Variants in IGSF11 observed in about 807,000 individuals in gnomAD.
IGSF11 encodes the protein CXADR like 1.
A neutral mutation model predicts 41.0 loss-of-function variants in IGSF11; 22 were observed. That is an observed-to-expected ratio of 0.54 (90% CI 0.38 to 0.77). The LOEUF is 0.77. IGSF11 is among the 30% of genes least tolerant of loss of function. The pLI is 0.00. For synonymous variants in IGSF11, 219 were observed against 201.3 expected (o/e 1.09, Z -0.74); for missense variants, 444 against 530.8 (o/e 0.84, Z 1.61).
chr3:119,106,308 C>A (rs1035465069), upstream of IGSF11, among the ~76,000 whole-genome samples: 1 of 152,112 alleles, frequency 6.6e-6, no homozygotes, highest in Non-Finnish European at 1.5e-5. Flanking sequence ...TTTATTCATT[C>A]TTTCTAACTA....
chr3:119,070,988 C>G (rs1189976993), intron 1 of IGSF11, among the ~76,000 whole-genome samples: 3 of 152,162 alleles, frequency 2.0e-5, no homozygotes, highest in African/African-American at 7.2e-5. Flanking sequence ...AGGTAGAGAA[C>G]AGAATACCCA....
chr3:118,960,923 CA>C (rs1203683954), intron 1 of IGSF11, among the ~76,000 whole-genome samples: 1 of 152,196 alleles, frequency 6.6e-6, no homozygotes, highest in Non-Finnish European at 1.5e-5. Context: ...TGCTAATCAG[CA>C]ATATTTCAAG....
At chr3:118,984,171 T>G (rs1451604035) in intron 1 of IGSF11, among the ~76,000 whole-genome samples, 1 of 141,536 alleles carries the variant, frequency 7.1e-6, no homozygotes, top group Non-Finnish European at 1.5e-5. Flanking sequence ...TTTCTGAAAT[T>G]CAAAAAAAAA....
At chr3:118,980,569 A>G (rs1282554291) in intron 1 of IGSF11, among the ~76,000 whole-genome samples, 1 of 152,206 alleles carries the variant, frequency 6.6e-6, no homozygotes, top group Non-Finnish European at 1.5e-5. Context: ...GTTACAGGGT[A>G]CAAACATACC....
At chr3:119,126,830 TCAA>T (rs147872135) in intron 1 of IGSF11, among the ~76,000 whole-genome samples, 35,666 of 151,536 alleles carry the variant, frequency 0.24, 5,088 homozygotes, top group Middle Eastern at 0.38. Context: ...AACAACAGCA[TCAA>T]CAACAACAAC....
rs979898250 is a variant in IGSF11, at chr3:118,975,236, T to C, written c.53-44961A>G. 3.3e-5 allele frequency among the ~76,000 whole-genome samples: 5 copies of C among 152,170 alleles called. No homozygotes were observed. The East Asian group carries it at 7.7e-4, about 23-fold the overall frequency. On this transcript the variant is annotated intron_variant, in intron 1 of 6. Coordinates refer to ENST00000393775, the MANE Select transcript of IGSF11 (RefSeq NM_001015887.3). The stretch of plus-strand genomic sequence containing the variant: ...ATCATTTTGTTCACAAAGCCAAATA[T>C]ATGTTTTTTAAAATGTTATCCCACC...
At chr3:119,106,090 C>T (rs2077018103), upstream of IGSF11, among the ~76,000 whole-genome samples, 1 of 152,076 alleles carries the variant, frequency 6.6e-6, no homozygotes, top group Non-Finnish European at 1.5e-5. Context: ...TCCCTGCATC[C>T]TCTTGATTTA....
chr3:118,975,290 T>G (rs1408335494), intron 1 of IGSF11, among the ~76,000 whole-genome samples: 1 of 151,662 alleles, frequency 6.6e-6, no homozygotes, highest in Non-Finnish European at 1.5e-5. Flanking sequence ...ATAATATCTT[T>G]CCTTAAAAAA....
chr3:119,011,689 C>A (rs747601805), intron 1 of IGSF11, among the ~76,000 whole-genome samples: 13 of 152,104 alleles, frequency 8.5e-5, no homozygotes, highest in Non-Finnish European at 1.8e-4. Flanking sequence ...AGACTCAAGG[C>A]GGCCTGAAAT....
In IGSF11 at chr3:118,928,697, C is replaced by T; in HGVS notation, c.236G>A (p.Gly79Glu). The part of the protein sequence containing the change: ...QPEQVILYQG[G>E]QMFDGAPRFH... ...CCGGGGGGCACCATCAAACATCTGT[C>T]CACCCTGATACAGGATGACCTGGAA... Residue 79 changes from glycine to glutamate, a missense_variant, in exon 3 of 7, where the codon GGA becomes GAA. Transcript: ENST00000393775. The T allele has an allele frequency of 6.2e-7, 1 of 1,613,712 alleles. No homozygotes were observed. Among genetic ancestry groups the T allele is most frequent in the South Asian group, 1.1e-5 (1 of 91,038 alleles).
chr3:118,947,614 A>C (rs1398002646), intron 1 of IGSF11: 1 of 152,212 alleles, frequency 6.6e-6, no homozygotes, highest in Non-Finnish European at 1.5e-5. Context: ...TGTGGACATA[A>C]AAAACACACA....
At chr3:118,999,125 C>A (rs976630698) in intron 1 of IGSF11, among the ~76,000 whole-genome samples, 1 of 151,594 alleles carries the variant, frequency 6.6e-6, no homozygotes, top group Non-Finnish European at 1.5e-5. Flanking sequence ...AAAAATCTGA[C>A]AATACTAATG....
intron 1 of IGSF11, among the ~76,000 whole-genome samples, chr3:119,025,128 G>C (rs1404799714): frequency 6.6e-6 from 1 of 152,134 alleles, no homozygotes; most frequent in Non-Finnish European, 1.5e-5. Context: ...ATTATATTGG[G>C]AGGGGGAGAG....
Position 118,928,641 on chromosome 3 carries a change from T to C in IGSF11, c.292A>G (p.Met98Val), listed in dbSNP as rs940754926. The C allele has an allele frequency of 1.9e-6, 3 of 1,614,116 alleles. No individual in the cohort carries two copies. The highest frequency in any genetic ancestry group is 1.1e-5 in the South Asian group (1 of 91,084). Residue 98 changes from methionine (M) to valine (V), a missense_variant, in exon 3 of 7, where the codon ATG (methionine) becomes GTG (valine). Coordinates refer to ENST00000393775, the MANE Select transcript of IGSF11 (RefSeq NM_001015887.3). ...FHGRVGFTGT[M>V]PATNVSIFIN... Reference sequence around the variant, plus strand: ...AAGATAGAGACATTGGTAGCTGGCATGGTGCCTGTAAATCCTACCCTACCG... The same window carrying C: ...AAGATAGAGACATTGGTAGCTGGCACGGTGCCTGTAAATCCTACCCTACCG...
intron 1 of IGSF11, among the ~76,000 whole-genome samples, chr3:118,948,971 CAAA>C (rs397874586): frequency 5.7e-5 from 5 of 87,530 alleles, no homozygotes; most frequent in Admixed American, 4.8e-4. Context: ...GACTCCGTCT[CAAA>C]AAAAAAAAAA....
intron 1 of IGSF11, among the ~76,000 whole-genome samples, chr3:118,956,676 GATTGCTA>G (rs1944981076): frequency 6.6e-6 from 1 of 152,100 alleles, no homozygotes; most frequent in Non-Finnish European, 1.5e-5. Context: ...TAATATCAAA[GATTGCTA>G]ATTGCTACAA....
chr3:119,116,040 TG>T (rs576314241), intron 1 of IGSF11, among the ~76,000 whole-genome samples: 18 of 152,306 alleles, frequency 1.2e-4, no homozygotes, highest in African/African-American at 4.3e-4. Context: ...GCCAAACAAC[TG>T]TCATGGTTAA....
intron 1 of IGSF11, among the ~76,000 whole-genome samples, chr3:118,999,882 G>C (rs75534497): frequency 2.6e-5 from 4 of 152,108 alleles, no homozygotes; most frequent in Non-Finnish European, 5.9e-5. Flanking sequence ...AAGATGACTA[G>C]AGTACCAGCA....
chr3:119,087,161 A>T (rs544851545), intron 1 of IGSF11, among the ~76,000 whole-genome samples: 17 of 152,296 alleles, frequency 1.1e-4, no homozygotes, highest in Non-Finnish European at 2.1e-4. Context: ...CAATGTGGAA[A>T]ATAGTGTGGA....
Sources: allele counts gnomAD v4.1 joint callset (sites outside exome capture counted in the v4.1 genomes callset), GRCh38; gene constraint gnomAD v4.1.1; transcripts MANE v1.5; gene names NCBI Gene and HGNC (gene_info 2026-07-23, HGNC 2026-07-21).